The following SLC44A5 variants were observed in gnomAD, a reference collection of about 807,000 sequenced individuals.
The protein encoded by SLC44A5 is solute carrier family 44 member 5.
Under a neutral mutation model 101.8 loss-of-function variants are expected in SLC44A5, and 57 were observed. The ratio of observed to expected loss-of-function variants is 0.56; its 90% CI spans 0.45 to 0.70. SLC44A5 has a LOEUF of 0.70. SLC44A5 is among the 30% of genes least tolerant of loss of function. The pLI is 0.00. For missense variants in SLC44A5, 737 were observed against 853.1 expected, an observed-to-expected ratio of 0.86 and a Z score of 1.70; for synonymous variants, 281 against 290.9, an observed-to-expected ratio of 0.97 and a Z score of 0.35.
At chr1:75,584,061 G>A (rs1673855681) in intron 1 of SLC44A5, among the ~76,000 whole-genome samples, 1 of 152,178 alleles carries the variant, frequency 6.6e-6, no homozygotes, top group Non-Finnish European at 1.5e-5. Flanking sequence ...GATTCAAAGT[G>A]GCTTTTTAAT....
chr1:75,217,096 G>A (rs1272090889), intron 18 of SLC44A5, among the ~76,000 whole-genome samples: 1 of 151,886 alleles, frequency 6.6e-6, no homozygotes, highest in Non-Finnish European at 1.5e-5. Flanking sequence ...TTTTGTTTAG[G>A]TCTTTGATCC....
At chr1:75,311,482 TG>T in intron 4 of SLC44A5, 1 of 812,082 alleles carries the variant, frequency 1.2e-6, no homozygotes, top group Non-Finnish European at 1.5e-6. Flanking sequence ...TTGTCCAGAG[TG>T]GTCTCAGTTC....
At chr1:75,402,199 A>G (rs1223025738) in intron 2 of SLC44A5, among the ~76,000 whole-genome samples, 1 of 152,178 alleles carries the variant, frequency 6.6e-6, no homozygotes, top group Non-Finnish European at 1.5e-5. Context: ...TGGACAAATG[A>G]GATAATGTTC....
chr1:75,266,660 C>T (rs1355684497), intron 6 of SLC44A5, among the ~76,000 whole-genome samples: 1 of 152,212 alleles, frequency 6.6e-6, no homozygotes, highest in East Asian at 1.9e-4. Context: ...AGCTGACCTC[C>T]ACTTTGGGAG....
chr1:75,406,682 C>T (rs559431428), intron 2 of SLC44A5, among the ~76,000 whole-genome samples: 2 of 152,240 alleles, frequency 1.3e-5, no homozygotes, highest in African/African-American at 4.8e-5. Flanking sequence ...TAAAAACTCT[C>T]AATAAACTAG....
intron 1 of SLC44A5, among the ~76,000 whole-genome samples, chr1:75,569,215 C>G (rs1471883480): frequency 6.6e-6 from 1 of 151,328 alleles, no homozygotes; most frequent in Non-Finnish European, 1.5e-5. Context: ...TGACTTTAAG[C>G]CCAATGACAC....
At chr1:75,534,900 T>G (rs1670911936) in intron 2 of SLC44A5, among the ~76,000 whole-genome samples, 1 of 152,234 alleles carries the variant, frequency 6.6e-6, no homozygotes. Context: ...ATGGAAATTA[T>G]GCCCACATTA....
At chr1:75,482,553 A>G (rs1667932423) in intron 2 of SLC44A5, among the ~76,000 whole-genome samples, 1 of 152,192 alleles carries the variant, frequency 6.6e-6, no homozygotes, top group South Asian at 2.1e-4. Context: ...TAGCTGCAAC[A>G]GTCTCTGATG....
intron 1 of SLC44A5, among the ~76,000 whole-genome samples, chr1:75,576,295 GT>G (rs1441771703): frequency 1.3e-5 from 2 of 151,822 alleles, no homozygotes; most frequent in African/African-American, 2.4e-5. Context: ...AATACTTAAG[GT>G]TTTATAAATG....
chr1:75,236,219 A>G (rs1042867653), intron 11 of SLC44A5, among the ~76,000 whole-genome samples: 1 of 151,988 alleles, frequency 6.6e-6, no homozygotes, highest in Non-Finnish European at 1.5e-5. Flanking sequence ...CTGAGAAACT[A>G]AATTGGGCTA....
At chr1:75,661,647 A>G in the SLC44A5 span, among the ~76,000 whole-genome samples, 2 of 152,060 alleles carry the variant, frequency 1.3e-5, no homozygotes, top group African/African-American at 4.8e-5. Context: ...TAAGGAACTC[A>G]AACAACTCAA....
At chr1:75,655,006 T>C in the SLC44A5 span, among the ~76,000 whole-genome samples, 1 of 152,138 alleles carries the variant, frequency 6.6e-6, no homozygotes, top group Non-Finnish European at 1.5e-5. Flanking sequence ...CTTTTCAAAT[T>C]TGGGTTCGTC....
chr1:75,396,469 T>C (rs1033778474), intron 3 of SLC44A5, 114 bp downstream of exon 3: 28 of 913,052 alleles, frequency 3.1e-5, no homozygotes, highest in Middle Eastern at 2.2e-4. Context: ...TCAGCAATTA[T>C]TCTTTACCAA....
chr1:75,228,028 G>A (rs754999312), intron 12 of SLC44A5, among the ~76,000 whole-genome samples, 171 bp from the exon 13 acceptor site: 50 of 152,124 alleles, frequency 3.3e-4, no homozygotes, highest in Non-Finnish European at 5.0e-4. Flanking sequence ...GTCTAAACAT[G>A]CTACTGTATT....
At chr1:75,594,607 G>C (rs935506900) in intron 1 of SLC44A5, among the ~76,000 whole-genome samples, 2 of 151,950 alleles carry the variant, frequency 1.3e-5, no homozygotes, top group African/African-American at 4.8e-5. Context: ...TATGTAAATT[G>C]ATAATAAGCA....
the SLC44A5 span, among the ~76,000 whole-genome samples, chr1:75,642,542 C>G: frequency 4.6e-5 from 7 of 151,888 alleles, no homozygotes; most frequent in Middle Eastern, 3.4e-3. Flanking sequence ...AAACGAATTC[C>G]TATTCTGATT....
intron 23 of SLC44A5, chr1:75,206,782 A>G: frequency 1.0e-6 from 1 of 952,414 alleles, no homozygotes; most frequent in Non-Finnish European, 1.6e-6. Context: ...ACACATTTTT[A>G]TAAATTGGAG....
intron 2 of SLC44A5, among the ~76,000 whole-genome samples, chr1:75,512,427 C>T (rs1324587317): frequency 6.6e-6 from 1 of 152,148 alleles, no homozygotes; most frequent in African/African-American, 2.4e-5. Flanking sequence ...AGATTACTTT[C>T]TTGAGTTTTT....
At chr1:75,446,043 A>G (rs1665556139) in intron 2 of SLC44A5, among the ~76,000 whole-genome samples, 1 of 151,910 alleles carries the variant, frequency 6.6e-6, no homozygotes, top group South Asian at 2.1e-4. Context: ...CACCACCTCC[A>G]CCACTACTAC....
Sources: gnomAD v4.1 joint callset for allele counts (sites outside exome capture counted in the v4.1 genomes callset) on GRCh38, gnomAD v4.1.1 for gene constraint, MANE v1.5 for transcripts, NCBI Gene and HGNC (gene_info 2026-07-23, HGNC 2026-07-21) for gene names.